Variants in ULK1 observed in about 807,000 individuals in gnomAD.
ULK1 encodes unc-51 like autophagy activating kinase 1.
In ULK1, 48 loss-of-function variants were observed where a neutral mutation model predicts 117.5. The ratio of observed to expected loss-of-function variants is 0.41; its 90% CI spans 0.32 to 0.52. The LOEUF (loss-of-function observed/expected upper bound fraction) is 0.52. Among genes scored for constraint, ULK1 ranks in the 20% least tolerant of loss-of-function variants. ULK1 has a pLI of 0.29. For synonymous variants in ULK1, 790 were observed against 637.8 expected, an observed-to-expected ratio of 1.24 and a Z score of -3.60; for missense variants, 1,387 against 1,473.4, an observed-to-expected ratio of 0.94 and a Z score of 0.96.
At position 131,899,068 on chromosome 12, in the gene ULK1, C is replaced by G. The variant is rs1297525349; in HGVS notation, c.246+3244C>G. 3.3e-5 allele frequency among the ~76,000 whole-genome samples: 5 copies of G among 149,486 alleles called. No individual in the cohort carries two copies. The Admixed American group carries it at 3.3e-4, about 10-fold the overall frequency. On this transcript the variant is annotated intron_variant, in intron 3 of 27. Coordinates refer to ENST00000321867, the MANE Select transcript of ULK1 (RefSeq NM_003565.4). ...TAATTTTTGTATTAAAAAATTTATA[C>G]AATTTTCGCCACATTGGCCAGGCTG...
At chr12:131,912,378 C>T (rs1025984957) in intron 13 of ULK1, among the ~76,000 whole-genome samples, 14 of 152,350 alleles carry the variant, frequency 9.2e-5, no homozygotes, top group African/African-American at 3.4e-4. Context: ...TCACCTCATG[C>T]CCCTCCCCCG....
At chr12:131,915,820 G>A (rs979790702) in intron 18 of ULK1, 71 bp from the exon 19 acceptor site, 16 of 1,582,826 alleles carry the variant, frequency 1.0e-5, no homozygotes, top group Admixed American at 5.4e-5. Context: ...AAGGGGCTCC[G>A]TGTGGTAGCA....
Position 131,920,016 on chromosome 12 carries a change from G to A in ULK1, c.2841G>A (p.Val947=). 6.2e-7 allele frequency: 1 copy of A among 1,612,864 alleles called. No homozygotes were observed. Among genetic ancestry groups the A allele is most frequent in the Non-Finnish European group, 8.5e-7 (1 of 1,179,962 alleles). Residue 947 remains valine (V), a synonymous_variant, in exon 26 of 28, where the codon GTG becomes GTA. Transcript: ENST00000321867. ...RRLNELYKAS[V]VSCQGLSLRL... ...TGAATGAGCTGTACAAGGCCAGCGT[G>A]GTGTCCTGCCAGGGCCTGAGCCTGC...
intron 8 of ULK1, 133 bp downstream of exon 8, chr12:131,909,370 T>C (rs1170141962): frequency 3.1e-5 from 32 of 1,030,570 alleles, no homozygotes; most frequent in Non-Finnish European, 4.1e-5. Flanking sequence ...GGGGCGGGCG[T>C]CCAGGGGTCC....
chr12:131,905,872 C>T (rs981358663), intron 3 of ULK1, among the ~76,000 whole-genome samples: 7 of 152,044 alleles, frequency 4.6e-5, no homozygotes, highest in Non-Finnish European at 8.8e-5. Flanking sequence ...CAGGAAAGGG[C>T]GGGGTACTGG....
chr12:131,918,579 T>C lies in ULK1; in HGVS notation c.2409T>C (p.Pro803=). Residue 803 remains proline, a synonymous_variant, in exon 23 of 28, where the codon CCT becomes CCC. Transcript: ENST00000321867. ...PCSEAPAPEL[P]APGHGCSFAD... Reference sequence around the variant, plus strand: ...GCGAGGCCCCAGCCCCTGAGCTCCCTGCTCCAGGACACGGCTGCAGCTTTG... The same window carrying C: ...GCGAGGCCCCAGCCCCTGAGCTCCCCGCTCCAGGACACGGCTGCAGCTTTG... 3.1e-6 allele frequency: 5 copies of C among 1,610,914 alleles called. No individual in the cohort carries two copies. The highest frequency in any genetic ancestry group is 4.2e-6 in the Non-Finnish European group (5 of 1,179,006).
At chr12:131,907,626 G>A (rs61395612) in intron 5 of ULK1, 95 bp downstream of exon 5, 21 of 1,458,408 alleles carry the variant, frequency 1.4e-5, no homozygotes, top group South Asian at 6.2e-5. Flanking sequence ...AGCCTGGCTC[G>A]AGTGGGTCCT....
rs200943532 is a variant in ULK1, at chr12:131,907,458, C to A, written c.280-37C>A. 12 of 1,609,472 alleles carry A rather than the reference C, an allele frequency of 7.5e-6. No individual in the cohort carries two copies. In the African/African-American group the frequency reaches 1.3e-4, roughly 18 times the overall value. On this transcript the variant is annotated intron_variant, in intron 4 of 27. Coordinates refer to ENST00000321867, the MANE Select transcript of ULK1 (RefSeq NM_003565.4). ...GCAGGGCTGGGAGGTGGGCCCTGGG[C>A]CCTGCTGCAGCCTGATGCGTGTCTG...
At position 131,916,500 on chromosome 12, in the gene ULK1, C is replaced by T; in HGVS notation, c.1981C>T (p.Leu661=). ...VVMTPPRNRT[L]PDLSEVGPFH... ...GATGACGCCCCCTCGAAACCGGACG[C>T]TGCCCGACCTCTCGGAGGTGGGACC... Residue 661 remains leucine (L), a synonymous_variant, in exon 20 of 28, where the codon CTG becomes TTG. Transcript: ENST00000321867. The T allele has an allele frequency of 6.2e-7, 1 of 1,612,342 alleles. No individual in the cohort carries two copies. The highest frequency in any genetic ancestry group is 8.5e-7 in the Non-Finnish European group (1 of 1,179,800).
intron 13 of ULK1, among the ~76,000 whole-genome samples, chr12:131,912,520 G>A (rs1889584786): frequency 6.6e-6 from 1 of 152,350 alleles, no homozygotes; most frequent in South Asian, 2.1e-4. Context: ...GTTGAATGAA[G>A]GTGCCTAAAC....
At position 131,909,734 on chromosome 12, in the gene ULK1, C is replaced by T. The variant is rs779750907; in HGVS notation, c.667-41C>T. ...CGAGACCCCGTGGGCTGGTCCCGCT[C>T]GGCCGCAGCCCTGGCAGTCAGGCTG... is the stretch of plus-strand genomic sequence containing the variant. On this transcript the variant is annotated intron_variant, in intron 8 of 27. Coordinates refer to ENST00000321867, the MANE Select transcript of ULK1 (RefSeq NM_003565.4). 2.8e-5 allele frequency: 44 copies of T among 1,546,364 alleles called. No homozygotes were observed. The Middle Eastern group carries it at 5.4e-4, about 19-fold the overall frequency.
intron 7 of ULK1, 80 bp from the exon 8 acceptor site, chr12:131,909,056 C>G: frequency 6.2e-7 from 1 of 1,609,092 alleles, no homozygotes. Flanking sequence ...GCGCTCTGCT[C>G]TGGTTGGCTG....
chr12:131,917,520 G>C lies in ULK1; in HGVS notation c.2292G>C (p.Thr764=). ...FTVGSPPSGS[T]PPQGPRTRMF... Reference sequence around the variant, plus strand: ...TGGGCTCTCCCCCGAGCGGGAGCACGCCCCCCCAGGGCCCCCGCACCAGGA... The same window carrying C: ...TGGGCTCTCCCCCGAGCGGGAGCACCCCCCCCCAGGGCCCCCGCACCAGGA... The change falls in exon 22 of 28, where the codon ACG becomes ACC. Residue 764 remains threonine (T), a synonymous_variant. Transcript: ENST00000321867. 1 of 1,459,942 alleles carries C rather than the reference G, an allele frequency of 6.8e-7. No individual in the cohort carries two copies. The highest frequency in any genetic ancestry group is 1.5e-5 in the African/African-American group (1 of 68,504). 90.4% of individuals were successfully genotyped at this position (1,459,942 alleles called of 1,614,324 possible).
chr12:131,912,804 C>G (rs1384689548), intron 13 of ULK1, among the ~76,000 whole-genome samples: 1 of 152,170 alleles, frequency 6.6e-6, no homozygotes, highest in Non-Finnish European at 1.5e-5. Flanking sequence ...GGCAGAGCCT[C>G]CTTGGGGGTG....
rs1890216819 is a variant in ULK1 at position 131,923,040 on chromosome 12, CTT to C, written c.*1680_*1681del. 1 of 152,414 alleles carries C rather than the reference CTT, an allele frequency of 6.6e-6. No individual in the cohort carries two copies. Among genetic ancestry groups the C allele is most frequent in the Non-Finnish European group, 1.5e-5 (1 of 68,074 alleles). 9.4% of individuals were successfully genotyped at this position (152,414 alleles called of 1,614,324 possible). A position where few individuals can be genotyped will look rare whatever the true frequency, so the allele number is the denominator to read the frequency against. On this transcript the variant is annotated 3_prime_UTR_variant, in exon 28 of 28. Transcript: ENST00000321867. The stretch of plus-strand genomic sequence containing the variant: ...ACTGCTGCCCCTGGTTGAATGTTCT[CTT>C]GATAGTGCTGGACCCTTTGTCTATT...
chr12:131,918,886 G>GGGGTGTC lies in ULK1; in HGVS notation c.2511+211_2511+212insCGGGTGT, dbSNP rs1890006907. Among the ~76,000 whole-genome samples, 5 of 117,916 alleles carry GGGGTGTC rather than the reference G, an allele frequency of 4.2e-5. 1 individual carries two copies. Among genetic ancestry groups the GGGGTGTC allele is most frequent in the Non-Finnish European group, 5.4e-5 (3 of 55,888 alleles). The allele number at this position is 117,916 out of a possible 152,430, so 77.4% of individuals were successfully genotyped here. ...CGGGTGTGTGGGGTGTCGGGTGTGT[G>GGGGTGTC]GGGTGTAGGGTGTGGGGTGTAGGGT... On this transcript the variant is annotated intron_variant, in intron 23 of 27. Coordinates refer to ENST00000321867, the MANE Select transcript of ULK1 (RefSeq NM_003565.4).
intron 3 of ULK1, among the ~76,000 whole-genome samples, chr12:131,905,456 CT>C (rs1791018921): frequency 6.6e-6 from 1 of 152,158 alleles, no homozygotes; most frequent in Non-Finnish European, 1.5e-5. Context: ...CCAGACACGG[CT>C]CCCCTTTGCT....
chr12:131,916,401 G>A lies in ULK1; in HGVS notation c.1882G>A (p.Val628Met), dbSNP rs1156334040. The A allele has an allele frequency of 1.3e-6, 2 of 1,579,672 alleles. No homozygotes were observed. The highest frequency in any genetic ancestry group is 1.1e-5 in the South Asian group (1 of 87,690). Reference sequence around the variant, plus strand: ...CACCCCATCTCTGTCCTCCTAGGCTGTGCCCTCCTTTGACTTCCCGAAGAC... The same window carrying A: ...CACCCCATCTCTGTCCTCCTAGGCTATGCCCTCCTTTGACTTCCCGAAGAC... ...PPILGSPTKA[V>M]PSFDFPKTPS... is the part of the protein sequence containing the mutation. The change falls in exon 20 of 28, where the codon GTG (valine) becomes ATG (methionine). Residue 628 changes from valine (V) to methionine (M), a missense_variant. Val to Met is a conservative substitution (Grantham distance 21, BLOSUM62 1). Around this residue, in one of 4 missense-constraint regions of ULK1, gnomAD observed 900 missense variants for 858.9 expected, o/e 1.05. Coordinates refer to ENST00000321867, the MANE Select transcript of ULK1 (RefSeq NM_003565.4).
chr12:131,910,221 C>T (rs756835010), intron 10 of ULK1, 33 bp from the exon 11 acceptor site: 3 of 1,613,018 alleles, frequency 1.9e-6, no homozygotes, highest in South Asian at 1.1e-5. Context: ...AGCTGGGGTC[C>T]TCCTGAGGCC....
Sources: allele counts gnomAD v4.1 joint callset (sites outside exome capture counted in the v4.1 genomes callset), GRCh38; gene constraint gnomAD v4.1.1; regional missense constraint gnomAD v4.1.1; transcripts MANE v1.5; gene names NCBI Gene and HGNC (gene_info 2026-07-23, HGNC 2026-07-21).